The following HEPHL1 variants were observed in gnomAD, a reference collection of about 807,000 sequenced individuals.
HEPHL1 encodes the protein ferroxidase HEPHL1.
A neutral mutation model predicts 122.0 loss-of-function variants in HEPHL1; 123 were observed. The ratio of observed to expected loss-of-function variants is 1.01; its 90% CI spans 0.87 to 1.17. The LOEUF (loss-of-function observed/expected upper bound fraction) is 1.17, where lower values mean the gene tolerates loss of function less well. Among genes scored for constraint, HEPHL1 ranks in the 50% most tolerant of loss-of-function variants. The probability of loss-of-function intolerance (pLI) is 0.00; values close to 1 mark genes in which losing one functional copy is unlikely to be tolerated. For synonymous variants in HEPHL1, 527 were observed against 508.9 expected (o/e 1.04, Z -0.48); for missense variants, 1,452 against 1,430.5 (o/e 1.01, Z -0.24).
chr11:94,086,355 C>T (rs1326883398), intron 11 of HEPHL1, among the ~76,000 whole-genome samples, 166 bp downstream of exon 11: 1 of 152,152 alleles, frequency 6.6e-6, no homozygotes, highest in Non-Finnish European at 1.5e-5. Context: ...AGTCCAAACA[C>T]ATAGTATAAG....
At chr11:94,044,809 C>G (rs887388675) in intron 1 of HEPHL1, among the ~76,000 whole-genome samples, 3 of 147,838 alleles carry the variant, frequency 2.0e-5, no homozygotes, top group Admixed American at 6.8e-5. Context: ...GTCATCCAGG[C>G]TAGAGTGCAG....
chr11:94,022,972 C>T (rs1250255473), intron 1 of HEPHL1, among the ~76,000 whole-genome samples: 1 of 152,096 alleles, frequency 6.6e-6, no homozygotes, highest in African/African-American at 2.4e-5. Context: ...AGATTAACAC[C>T]CACAGAAATT....
intron 8 of HEPHL1, 149 bp downstream of exon 8, chr11:94,073,588 T>C: frequency 1.3e-6 from 1 of 747,436 alleles, no homozygotes; most frequent in Non-Finnish European, 2.2e-6. Context: ...GATTCTCTCC[T>C]GTCAAATGCA....
chr11:94,053,817 G>A (rs1945911948), intron 2 of HEPHL1, among the ~76,000 whole-genome samples: 1 of 152,078 alleles, frequency 6.6e-6, no homozygotes, highest in African/African-American at 2.4e-5. Flanking sequence ...TGAAAAATAT[G>A]CTTTGTATGA....
At chr11:94,061,229 G>A (rs148551267) in intron 2 of HEPHL1, among the ~76,000 whole-genome samples, 90 of 152,244 alleles carry the variant, frequency 5.9e-4, no homozygotes, top group African/African-American at 2.1e-3. Flanking sequence ...AAGTAGGGAT[G>A]TCAAGCAGAC....
intron 2 of HEPHL1, among the ~76,000 whole-genome samples, chr11:94,056,746 A>G (rs1444329928): frequency 6.6e-6 from 1 of 152,018 alleles, no homozygotes; most frequent in Admixed American, 6.6e-5. Context: ...ATACGTTGTT[A>G]TATACTTGGT....
intron 2 of HEPHL1, among the ~76,000 whole-genome samples, chr11:94,047,635 T>C (rs773831276): frequency 2.6e-5 from 4 of 152,188 alleles, no homozygotes; most frequent in African/African-American, 9.7e-5. Context: ...TGACTCCATG[T>C]GTCTTATTTA....
At chr11:94,098,509 A>C (rs1946338394) in intron 13 of HEPHL1, among the ~76,000 whole-genome samples, 1 of 152,090 alleles carries the variant, frequency 6.6e-6, no homozygotes, top group Admixed American at 6.6e-5. Context: ...GCTCTTCTCG[A>C]GGAGTATCTT....
intron 1 of HEPHL1, among the ~76,000 whole-genome samples, chr11:94,038,269 G>T (rs1010745135): frequency 6.7e-6 from 1 of 148,210 alleles, no homozygotes; most frequent in African/African-American, 2.5e-5. Flanking sequence ...GTGATGGGGA[G>T]AATGGAACCA....
intron 17 of HEPHL1, among the ~76,000 whole-genome samples, chr11:94,109,010 C>T (rs1353233378): frequency 2.6e-5 from 4 of 152,044 alleles, no homozygotes; most frequent in Non-Finnish European, 5.9e-5. Context: ...GTATATCTAT[C>T]GTTTAGCTCT....
At chr11:94,043,053 A>C (rs1003017804) in intron 1 of HEPHL1, among the ~76,000 whole-genome samples, 6 of 152,068 alleles carry the variant, frequency 3.9e-5, no homozygotes, top group African/African-American at 1.4e-4. Flanking sequence ...TAGAACAGAG[A>C]AGTGCTCCAT....
chr11:94,045,613 G>A (rs1374857328), intron 1 of HEPHL1, 60 bp from the exon 2 acceptor site: 5 of 1,419,642 alleles, frequency 3.5e-6, no homozygotes, highest in African/African-American at 1.4e-5. Context: ...ACTCCTAGTG[G>A]TAAGCTATTA....
chr11:94,096,068 T>C (rs1348072748), intron 13 of HEPHL1, among the ~76,000 whole-genome samples: 3 of 152,120 alleles, frequency 2.0e-5, no homozygotes, highest in Non-Finnish European at 4.4e-5. Context: ...TGAACAGAAG[T>C]GGTGAGAGAG....
At chr11:94,021,609 A>G in intron 1 of HEPHL1, 71 bp downstream of exon 1, 1 of 1,234,232 alleles carries the variant, frequency 8.1e-7, no homozygotes, top group Non-Finnish European at 1.1e-6. Flanking sequence ...GGAAGGTTGT[A>G]TTTCTTGGGT....
At chr11:94,040,994 C>T (rs1945772035) in intron 1 of HEPHL1, among the ~76,000 whole-genome samples, 1 of 117,592 alleles carries the variant, frequency 8.5e-6, no homozygotes, top group African/African-American at 3.4e-5. Context: ...AGCCCAAAAT[C>T]TCCTTAAGCT....
chr11:94,097,999 C>T (rs1331597036), intron 13 of HEPHL1, among the ~76,000 whole-genome samples: 4 of 152,172 alleles, frequency 2.6e-5, no homozygotes, highest in African/African-American at 4.8e-5. Flanking sequence ...TTAATTGGAA[C>T]ATTTCACCCA....
chr11:94,077,123 T>G (rs904361145), intron 9 of HEPHL1, among the ~76,000 whole-genome samples: 4 of 152,228 alleles, frequency 2.6e-5, no homozygotes, highest in Non-Finnish European at 4.4e-5. Flanking sequence ...GAGAGTAGGT[T>G]GTAGACATAA....
intron 1 of HEPHL1, among the ~76,000 whole-genome samples, chr11:94,033,405 G>T (rs1945693008): frequency 6.6e-6 from 1 of 152,170 alleles, no homozygotes; most frequent in African/African-American, 2.4e-5. Flanking sequence ...TCATCCAGGT[G>T]TAGAGAGGAC....
chr11:94,063,288 A>T (rs1311337889), intron 2 of HEPHL1, among the ~76,000 whole-genome samples: 1 of 152,166 alleles, frequency 6.6e-6, no homozygotes, highest in Admixed American at 6.6e-5. Context: ...ACATTGCCTC[A>T]TTTAGTTCTT....
Sources: allele counts gnomAD v4.1 joint callset (sites outside exome capture counted in the v4.1 genomes callset), GRCh38; gene constraint gnomAD v4.1.1; transcripts MANE v1.5; gene names NCBI Gene and HGNC (gene_info 2026-07-23, HGNC 2026-07-21).